Variants in SCYL1 observed in about 807,000 individuals in gnomAD.
SCYL1 encodes the protein SCY1 like pseudokinase 1.
In SCYL1, 85 loss-of-function variants were observed where a neutral mutation model predicts 94.8. The observed-to-expected ratio is 0.90, with a 90% confidence interval of 0.75 to 1.07. The LOEUF (loss-of-function observed/expected upper bound fraction) is 1.07. Ranked by LOEUF, SCYL1 falls within the 50% of genes least tolerant of loss-of-function variation. The probability of loss-of-function intolerance (pLI) is 0.00; values close to 1 mark genes in which losing one functional copy is unlikely to be tolerated. For synonymous variants in SCYL1, 459 were observed against 435.5 expected (o/e 1.05, Z -0.67); for missense variants, 968 against 1,083.3 (o/e 0.89, Z 1.49).
intron 6 of SCYL1, among the ~76,000 whole-genome samples, chr11:65,529,162 C>T (rs1590727101): frequency 6.6e-6 from 1 of 152,090 alleles, no homozygotes; most frequent in Non-Finnish European, 1.5e-5. Context: ...AGACCCTGAC[C>T]CAGCAGAGGT....
At position 65,536,226 on chromosome 11, in the gene SCYL1, C is replaced by G. The variant is rs763909986; in HGVS notation, c.1576-33C>G. ...TGGCCTGGTAGGTTCTTGGGAACCC[C>G]AGAGACCCCAGCTCTGCCTCGTTAC... On this transcript the variant is annotated intron_variant, in intron 11 of 17. Transcript: ENST00000270176. 6.2e-6 allele frequency: 10 copies of G among 1,609,346 alleles called. No homozygotes were observed. In the East Asian group the frequency reaches 2.2e-4, roughly 36 times the overall value.
At chr11:65,537,704 G>A (rs1415759804) in intron 14 of SCYL1, 105 bp from the exon 15 acceptor site, 3 of 972,152 alleles carry the variant, frequency 3.1e-6, no homozygotes, top group Non-Finnish European at 4.5e-6. Context: ...AAATGAGGAG[G>A]AAGGCAAAAG....
At chr11:65,536,561 A>G in intron 12 of SCYL1, 25 bp from the exon 13 acceptor site, 2 of 1,612,288 alleles carry the variant, frequency 1.2e-6, no homozygotes, top group Non-Finnish European at 1.7e-6. Flanking sequence ...GCCCATACCC[A>G]CCTCTCTCTC....
chr11:65,536,860 C>A, intron 13 of SCYL1, 110 bp downstream of exon 13: 1 of 1,369,584 alleles, frequency 7.3e-7, no homozygotes, highest in South Asian at 1.3e-5. Flanking sequence ...GATATAGGAG[C>A]TGGGTAGGCT....
In SCYL1 at chr11:65,538,217, G is replaced by T. The variant is rs548862014; in HGVS notation, c.2247+35G>T. 25 of 1,559,068 alleles carry T rather than the reference G, an allele frequency of 1.6e-5. No homozygotes were observed. In the South Asian group the frequency reaches 2.8e-4, roughly 18 times the overall value. On this transcript the variant is annotated intron_variant, in intron 16 of 17. Coordinates refer to ENST00000270176, the MANE Select transcript of SCYL1 (RefSeq NM_020680.4). Reference sequence around the variant, plus strand: ...ACAGGTCTGGCGAGAGGGTAGAGATGGTGGACCTCAGCCAGAAGTGGGCCC... The same window carrying T: ...ACAGGTCTGGCGAGAGGGTAGAGATTGTGGACCTCAGCCAGAAGTGGGCCC...
chr11:65,536,553 C>T, intron 12 of SCYL1, 33 bp from the exon 13 acceptor site: 1 of 1,612,270 alleles, frequency 6.2e-7, no homozygotes, highest in Non-Finnish European at 8.5e-7. Flanking sequence ...CCTGACGTGC[C>T]CATACCCACC....
intron 9 of SCYL1, 199 bp downstream of exon 9, chr11:65,533,004 GT>G: frequency 1.8e-6 from 1 of 565,792 alleles, no homozygotes; most frequent in Non-Finnish European, 3.2e-6. Flanking sequence ...GCATCTGCCT[GT>G]TCCTGGCCCA....
chr11:65,525,885 C>T (rs200974672), intron 2 of SCYL1, 36 bp from the exon 3 acceptor site: 62 of 1,604,816 alleles, frequency 3.9e-5, no homozygotes, highest in Non-Finnish European at 4.7e-5. Context: ...CCTCTCTGCC[C>T]CTCCGCCCTT....
Position 65,526,988 on chromosome 11 carries a change from C to T in SCYL1, c.720C>T (p.Tyr240=). 6.2e-7 allele frequency: 1 copy of T among 1,613,262 alleles called. No homozygotes were observed. The highest frequency in any genetic ancestry group is 8.5e-7 in the Non-Finnish European group (1 of 1,179,758). Residue 240 remains tyrosine (Y), a synonymous_variant, in exon 6 of 18, where the codon TAC becomes TAT. Transcript: ENST00000270176. This position sits in a 1 kb window ranked among gnomAD's most constrained non-coding sequence, Gnocchi z 4.1. ...TCCCCAAAACGCTGGTGCCCCATTACTGTGAGCTGGTGGGAGCAAACCCCA... is the reference window on the plus strand; with the variant it reads ...TCCCCAAAACGCTGGTGCCCCATTATTGTGAGCTGGTGGGAGCAAACCCCA... ...GKIPKTLVPH[Y]CELVGANPKV...
chr11:65,530,080 G>T (rs941396841), intron 6 of SCYL1, among the ~76,000 whole-genome samples: 5 of 152,126 alleles, frequency 3.3e-5, no homozygotes, highest in African/African-American at 4.8e-5. Context: ...GGTCCATTTT[G>T]GCTCAGTGGG....
intron 7 of SCYL1, 36 bp downstream of exon 7, chr11:65,530,823 G>C (rs1221614833): frequency 6.3e-7 from 1 of 1,578,418 alleles, no homozygotes; most frequent in Admixed American, 1.8e-5. Flanking sequence ...GGCTGGCTGG[G>C]TGCACAGGAA....
chr11:65,536,380 G>T, intron 12 of SCYL1, 46 bp downstream of exon 12: 1 of 1,592,714 alleles, frequency 6.3e-7, no homozygotes, highest in South Asian at 1.1e-5. Flanking sequence ...CCATGTCCTT[G>T]ACTGTGACCT....
rs1453451388 is a variant in SCYL1, at chr11:65,537,823, T to A, written c.1974T>A (p.Ser658=). ...CCACACTGCAGCAGGAGGCCGAGTC[T>A]GTGCTGGCCCAGCAGGACGACTGGA... ...DWGSLEQEAE[S]VLAQQDDWST... is the part of the protein sequence containing the mutation. The change falls in exon 15 of 18, where the codon TCT becomes TCA. Residue 658 remains serine (S), a synonymous_variant. Transcript: ENST00000270176. 1 of 1,567,782 alleles carries A rather than the reference T, an allele frequency of 6.4e-7. No individual in the cohort carries two copies.
rs918962419 is a variant in SCYL1 at position 65,527,227 on chromosome 11, G to A, written c.849+110G>A. 4 of 1,253,502 alleles carry A rather than the reference G, an allele frequency of 3.2e-6. No individual in the cohort carries two copies. In the African/African-American group the frequency reaches 4.5e-5, roughly 14 times the overall value. 77.6% of individuals were successfully genotyped at this position (1,253,502 alleles called of 1,614,324 possible). On this transcript the variant is annotated intron_variant, in intron 6 of 17. Transcript: ENST00000270176. ...CCTCAGGAGACAAGCATGGACTGTG[G>A]AGTTAGGCCAATCCGGGTTCAAACC...
chr11:65,538,274 G>C lies in SCYL1; in HGVS notation c.2252G>C (p.Arg751Thr). The change falls in exon 17 of 18, where the codon AGG (arginine) becomes ACG (threonine). Residue 751 changes from arginine to threonine, a missense_variant. Transcript: ENST00000270176. Reference protein sequence around the residue: ...TLSARPSTQPRPDSWGEDNWE... With the variant: ...TLSARPSTQPTPDSWGEDNWE... The stretch of plus-strand genomic sequence containing the variant: ...AGCCCACACTTCTCTTTACAGCCGA[G>C]GCCAGACTCTTGGGGTGAGGACAAC... 6.4e-7 allele frequency: 1 copy of C among 1,553,422 alleles called. No individual in the cohort carries two copies.
rs775020033 is a variant in SCYL1, at chr11:65,538,582, C to T, written c.*16C>T. On this transcript the variant is annotated 3_prime_UTR_variant, in exon 18 of 18. Coordinates refer to ENST00000270176, the MANE Select transcript of SCYL1 (RefSeq NM_020680.4). ...GCTGGACTGAACCGTGGCGGTGGCC[C>T]TTCCCGGCTGCGGAGAGCCCGCCCC... 5.6e-6 allele frequency: 9 copies of T among 1,605,988 alleles called. No homozygotes were observed. Among genetic ancestry groups the T allele is most frequent in the African/African-American group, 2.7e-5 (2 of 74,838 alleles).
At chr11:65,525,313 A>G in intron 1 of SCYL1, 49 bp downstream of exon 1, 2 of 1,310,616 alleles carry the variant, frequency 1.5e-6, no homozygotes, top group Non-Finnish European at 2.0e-6. Flanking sequence ...GGCCTTGCCT[A>G]TTCCGCGCCG....
At chr11:65,534,617 G>A (rs1415057776) in intron 9 of SCYL1, among the ~76,000 whole-genome samples, 5 of 152,200 alleles carry the variant, frequency 3.3e-5, no homozygotes. Flanking sequence ...AGGGGTATGT[G>A]CCTGGGGGTT....
In SCYL1 at chr11:65,538,194, A is replaced by G; in HGVS notation, c.2247+12A>G. ...GTCCCAGCACCCAGGTACCCAGCAC[A>G]GGTCTGGCGAGAGGGTAGAGATGGT... is the stretch of plus-strand genomic sequence containing the variant. On this transcript the variant is annotated intron_variant, in intron 16 of 17. Transcript: ENST00000270176. The G allele has an allele frequency of 6.4e-7, 1 of 1,569,316 alleles. No individual in the cohort carries two copies. Among genetic ancestry groups the G allele is most frequent in the East Asian group, 2.4e-5 (1 of 42,350 alleles).
Sources: gnomAD v4.1 joint callset for allele counts (sites outside exome capture counted in the v4.1 genomes callset) on GRCh38, gnomAD v4.1.1 for gene constraint, Gnocchi (gnomAD v3.1) non-coding constraint, MANE v1.5 for transcripts, NCBI Gene and HGNC (gene_info 2026-07-23, HGNC 2026-07-21) for gene names.